The following LOC128092252 variants were observed in gnomAD, a reference collection of about 807,000 sequenced individuals.
the LOC128092252 span, among the ~76,000 whole-genome samples, chr15:50,676,000 C>T: frequency 6.6e-6 from 1 of 152,166 alleles, no homozygotes; most frequent in African/African-American, 2.4e-5. Context: ...ACAGTACTTA[C>T]TCACAATGTT....
the LOC128092252 span, among the ~76,000 whole-genome samples, chr15:50,659,192 C>CAA: frequency 2.9e-3 from 291 of 99,184 alleles, no homozygotes; most frequent in African/African-American, 9.1e-3. Flanking sequence ...GACTCCGTCT[C>CAA]AAAAAAAAAA....
the LOC128092252 span, among the ~76,000 whole-genome samples, chr15:50,652,855 G>C: frequency 2.0e-5 from 3 of 152,026 alleles, no homozygotes; most frequent in Non-Finnish European, 2.9e-5. Flanking sequence ...AAAAGGCAAA[G>C]CATTAGCATT....
the LOC128092252 span, among the ~76,000 whole-genome samples, chr15:50,672,805 G>A: frequency 6.8e-6 from 1 of 147,872 alleles, no homozygotes; most frequent in African/African-American, 2.5e-5. Context: ...AGCTACTCAG[G>A]AGGCTGAGGC....
the LOC128092252 span, among the ~76,000 whole-genome samples, chr15:50,677,380 C>T: frequency 7.2e-5 from 11 of 151,970 alleles, no homozygotes; most frequent in South Asian, 4.2e-4. Context: ...TCTCGGGGAG[C>T]GAGGGAGATC....
chr15:50,651,059 C>T, the LOC128092252 span, among the ~76,000 whole-genome samples: 1 of 151,998 alleles, frequency 6.6e-6, no homozygotes, highest in Non-Finnish European at 1.5e-5. Context: ...TGGTGATGCA[C>T]GCCTGTAGTC....
chr15:50,685,530 T>G, the LOC128092252 span, among the ~76,000 whole-genome samples: 3 of 152,220 alleles, frequency 2.0e-5, no homozygotes, highest in East Asian at 5.8e-4. Flanking sequence ...ATTACTACAT[T>G]TGTGTTATAA....
At chr15:50,684,406 T>C in the LOC128092252 span, among the ~76,000 whole-genome samples, 1 of 151,390 alleles carries the variant, frequency 6.6e-6, no homozygotes, top group Non-Finnish European at 1.5e-5. Context: ...CTTTGGGAGG[T>C]GAGACAGCCA....
At chr15:50,651,538 T>C in the LOC128092252 span, among the ~76,000 whole-genome samples, 1 of 152,168 alleles carries the variant, frequency 6.6e-6, no homozygotes, top group Non-Finnish European at 1.5e-5. Context: ...GGCTCATGCC[T>C]ATAATCCCAG....
the LOC128092252 span, among the ~76,000 whole-genome samples, chr15:50,671,326 C>G: frequency 0.029 from 4,366 of 152,136 alleles, 230 homozygotes; most frequent in African/African-American, 0.1. Context: ...CTTTCTGTTC[C>G]TGGCTTATTT....
At chr15:50,674,795 G>A in the LOC128092252 span, among the ~76,000 whole-genome samples, 1 of 152,134 alleles carries the variant, frequency 6.6e-6, no homozygotes, top group Admixed American at 6.6e-5. Flanking sequence ...GCCAGGTACA[G>A]TATTCTTGGA....
chr15:50,684,156 G>C, the LOC128092252 span, among the ~76,000 whole-genome samples: 1 of 142,820 alleles, frequency 7.0e-6, no homozygotes, highest in African/African-American at 2.6e-5. Flanking sequence ...TGATTAAGTC[G>C]TTTTTTTTTT....
the LOC128092252 span, among the ~76,000 whole-genome samples, chr15:50,650,564 G>A: frequency 7.6e-3 from 1,152 of 152,050 alleles, 21 homozygotes; most frequent in Non-Finnish European, 5.8e-3. Context: ...GCATGGTGGC[G>A]TACGCTTGTA....
At chr15:50,681,292 C>T in the LOC128092252 span, among the ~76,000 whole-genome samples, 1 of 150,264 alleles carries the variant, frequency 6.7e-6, no homozygotes, top group Non-Finnish European at 1.5e-5. Context: ...CACACACACA[C>T]AAAGCATTCA....
the LOC128092252 span, among the ~76,000 whole-genome samples, chr15:50,649,395 C>T: frequency 6.7e-6 from 1 of 150,150 alleles, no homozygotes; most frequent in Non-Finnish European, 1.5e-5. Context: ...GGTCACACCA[C>T]TGTGCTCCAT....
the LOC128092252 span, among the ~76,000 whole-genome samples, chr15:50,672,845 G>C: frequency 1.4e-5 from 2 of 139,148 alleles, no homozygotes; most frequent in East Asian, 4.3e-4. Flanking sequence ...GGGAAGCAGA[G>C]GTTGCAGTGA....
the LOC128092252 span, among the ~76,000 whole-genome samples, chr15:50,649,353 T>C: frequency 6.6e-6 from 1 of 151,478 alleles, no homozygotes; most frequent in East Asian, 1.9e-4. Flanking sequence ...GTGGGAGGCT[T>C]GGTTGAGCCC....
At chr15:50,674,605 T>C in the LOC128092252 span, among the ~76,000 whole-genome samples, 7 of 152,210 alleles carry the variant, frequency 4.6e-5, no homozygotes, top group Non-Finnish European at 1.0e-4. Context: ...GTATTCTAAA[T>C]TAACTCTATT....
chr15:50,678,918 G>C, the LOC128092252 span, among the ~76,000 whole-genome samples: 1 of 152,162 alleles, frequency 6.6e-6, no homozygotes, highest in African/African-American at 2.4e-5. Flanking sequence ...CTGTCACCCA[G>C]GCTGGAGTGC....
At chr15:50,654,946 A>G in the LOC128092252 span, among the ~76,000 whole-genome samples, 5 of 145,368 alleles carry the variant, frequency 3.4e-5, no homozygotes, top group Admixed American at 1.4e-4. Flanking sequence ...GCTTGCAGTG[A>G]GCTGAGACTG....
Sources: allele counts gnomAD v4.1 joint callset (sites outside exome capture counted in the v4.1 genomes callset), GRCh38; gene constraint gnomAD v4.1.1; transcripts MANE v1.5.